The following CCT5 variants were observed in gnomAD, a reference collection of about 807,000 sequenced individuals.
The protein encoded by CCT5 is chaperonin containing TCP1 subunit 5, also known as T-complex protein 1 subunit epsilon.
A neutral mutation model predicts 55.0 loss-of-function variants in CCT5; 6 were observed. The ratio of observed to expected loss-of-function variants is 0.11; its 90% confidence interval spans 0.06 to 0.22. The LOEUF is 0.22. CCT5 is among the 10% of genes least tolerant of loss of function. The pLI, the probability that CCT5 is intolerant of heterozygous loss-of-function variation, is 1.00. For missense variants in CCT5, 560 were observed against 694.6 expected, an observed-to-expected ratio of 0.81 and a Z score of 2.18; for synonymous variants, 231 against 243.7, an observed-to-expected ratio of 0.95 and a Z score of 0.49.
chr5:10,250,269 G>A (rs751494781), upstream of CCT5: 5 of 1,608,182 alleles, frequency 3.1e-6, no homozygotes, highest in South Asian at 1.1e-5. Flanking sequence ...GCCCTCCCGA[G>A]AAAGGGAAGT....
Position 10,261,760 on chromosome 5 carries a change from A to G in CCT5, c.1179+15A>G. ...GAAATAAGATGGTGAGAATTCAACT[A>G]TTTGTCCTATACTGTTGCTTATTTT... is the stretch of plus-strand genomic sequence containing the variant. On this transcript the variant is annotated intron_variant, in intron 8 of 10. Coordinates refer to ENST00000280326, the MANE Select transcript of CCT5 (RefSeq NM_012073.5). 6.2e-7 allele frequency: 1 copy of G among 1,607,808 alleles called. No individual in the cohort carries two copies. The highest frequency in any genetic ancestry group is 1.1e-5 in the South Asian group (1 of 90,858).
At chr5:10,250,267 G>T (rs1417299621), upstream of CCT5, 2 of 1,607,000 alleles carry the variant, frequency 1.2e-6, no homozygotes, top group Non-Finnish European at 1.7e-6. Flanking sequence ...GGGCCCTCCC[G>T]AGAAAGGGAA....
intron 3 of CCT5, among the ~76,000 whole-genome samples, chr5:10,255,627 A>T (rs1745634357): frequency 6.6e-6 from 1 of 152,010 alleles, no homozygotes; most frequent in African/African-American, 2.4e-5. Flanking sequence ...CACCAGGCTG[A>T]ATTTCACTGA....
In CCT5 at chr5:10,256,090, T is replaced by C. The variant is rs764037204; in HGVS notation, c.467T>C (p.Leu156Pro). 1 of 1,614,056 alleles carries C rather than the reference T, an allele frequency of 6.2e-7. No individual in the cohort carries two copies. Among genetic ancestry groups the C allele is most frequent in the South Asian group, 1.1e-5 (1 of 91,076 alleles). The change falls in exon 4 of 11, where the codon CTT (leucine) becomes CCT (proline). Residue 156 changes from leucine to proline, a missense_variant. Around this residue, in one of 4 missense-constraint regions of CCT5, gnomAD observed 52 missense variants for 35.3 expected, o/e 1.47. Transcript: ENST00000280326. ...EHLDKISDSVLVDIKDTEPLI... is the reference protein window; with the variant it reads ...EHLDKISDSVPVDIKDTEPLI... ...CTGGACAAGATCAGCGATAGCGTCC[T>C]TGTTGACATAAAGGACACCGAACCC...
At chr5:10,249,931 A>AAAAAAAC, upstream of CCT5, 1 of 649,776 alleles carries the variant, frequency 1.5e-6, no homozygotes, top group Non-Finnish European at 1.9e-6. Flanking sequence ...AAAAAAAAAA[A>AAAAAAAC]AAACCGGAAA....
At chr5:10,250,946 TGAG>T (rs1307028792) in intron 1 of CCT5, 12 of 858,094 alleles carry the variant, frequency 1.4e-5, no homozygotes, top group Non-Finnish European at 1.7e-5. Context: ...TGCCCACCCT[TGAG>T]GAAAAATAGC....
At chr5:10,262,648 A>C in intron 9 of CCT5, 30 bp downstream of exon 9, 1 of 1,613,248 alleles carries the variant, frequency 6.2e-7, no homozygotes, top group Non-Finnish European at 8.5e-7. Context: ...TTAGTGAAAG[A>C]TTCAGGCCTC....
chr5:10,263,759 A>G lies in CCT5; in HGVS notation c.1498+445A>G, dbSNP rs1020009252. On this transcript the variant is annotated intron_variant, in intron 10 of 10. Transcript: ENST00000280326. ...AGCCACTTGTGTAGCTCGGCTCCCA[A>G]AAAGATATGGTGGCTGTAGCTTGTT... Among the ~76,000 whole-genome samples the G allele has an allele frequency of 2.0e-5, 3 of 152,046 alleles. No homozygotes were observed. The South Asian group carries it at 6.2e-4, about 31-fold the overall frequency.
chr5:10,263,999 G>A (rs1049355646), intron 10 of CCT5, among the ~76,000 whole-genome samples: 2 of 152,300 alleles, frequency 1.3e-5, no homozygotes, highest in South Asian at 4.1e-4. Flanking sequence ...AGGGCCGGGC[G>A]CAGTGACTCA....
intron 3 of CCT5, among the ~76,000 whole-genome samples, chr5:10,255,657 A>G (rs1745635121): frequency 6.6e-6 from 1 of 152,060 alleles, no homozygotes; most frequent in Admixed American, 6.5e-5. Flanking sequence ...GGCCCAGGAA[A>G]CATAATAGCT....
intron 4 of CCT5, 154 bp from the exon 5 acceptor site, chr5:10,257,957 A>G: frequency 1.3e-6 from 1 of 775,708 alleles, no homozygotes; most frequent in Non-Finnish European, 2.2e-6. Flanking sequence ...AATCTGCCCC[A>G]GACTGTTGAA....
At chr5:10,261,387 C>T (rs757034892) in intron 7 of CCT5, among the ~76,000 whole-genome samples, 173 bp from the exon 8 acceptor site, 1 of 152,186 alleles carries the variant, frequency 6.6e-6, no homozygotes, top group African/African-American at 2.4e-5. Context: ...GCTCAAGAGC[C>T]TTGTTACCTA....
intron 3 of CCT5, chr5:10,255,065 G>A (rs1745605457): frequency 7.2e-6 from 4 of 551,982 alleles, no homozygotes; most frequent in Non-Finnish European, 6.5e-6. Flanking sequence ...TGTAATGATT[G>A]ATTGGACACT....
In CCT5 at chr5:10,260,783, T is replaced by G; in HGVS notation, c.874-9T>G. The G allele has an allele frequency of 6.2e-7, 1 of 1,612,604 alleles. No individual in the cohort carries two copies. The highest frequency in any genetic ancestry group is 1.1e-5 in the South Asian group (1 of 91,040). ...TCTCTTAATACGATTGTGGTGGTTC[T>G]TTTCCCAGATTAAAGAGACTGGTGC... On this transcript the variant is annotated splice_polypyrimidine_tract_variant and intron_variant, in intron 6 of 10. Coordinates refer to ENST00000280326, the MANE Select transcript of CCT5 (RefSeq NM_012073.5).
chr5:10,256,164 G>A lies in CCT5; in HGVS notation c.530+11G>A. 6.2e-7 allele frequency: 1 copy of A among 1,609,508 alleles called. No homozygotes were observed. Among genetic ancestry groups the A allele is most frequent in the Non-Finnish European group, 8.5e-7 (1 of 1,178,106 alleles). On this transcript the variant is annotated intron_variant, in intron 4 of 10. Transcript: ENST00000280326. ...GCTGGGCTCCAAAGTGTACGTTTCA[G>A]TAGATGATATGATTACCCATTTGTA...
At chr5:10,260,239 C>T (rs1045898445) in intron 6 of CCT5, among the ~76,000 whole-genome samples, 2 of 152,132 alleles carry the variant, frequency 1.3e-5, no homozygotes, top group African/African-American at 4.8e-5. Flanking sequence ...TCGTTGCCCT[C>T]CTAATTGGGA....
chr5:10,249,929 A>AAAC (rs1413803881), upstream of CCT5: 64 of 831,346 alleles, frequency 7.7e-5, 3 homozygotes, highest in African/African-American at 9.4e-4. Flanking sequence ...AAAAAAAAAA[A>AAAC]AAAAACCGGA....
intron 1 of CCT5, among the ~76,000 whole-genome samples, chr5:10,251,163 C>G (rs1379099439): frequency 1.3e-5 from 2 of 152,140 alleles, no homozygotes; most frequent in African/African-American, 4.8e-5. Flanking sequence ...AAGAGCCATC[C>G]GGTTTTAATG....
chr5:10,260,369 A>C (rs1745899379), intron 6 of CCT5, among the ~76,000 whole-genome samples: 1 of 152,266 alleles, frequency 6.6e-6, no homozygotes, highest in Non-Finnish European at 1.5e-5. Context: ...CAGGTGAGAC[A>C]GTCAAGTTGC....
Sources: gnomAD v4.1 joint callset for allele counts (sites outside exome capture counted in the v4.1 genomes callset) on GRCh38, gnomAD v4.1.1 for gene constraint, gnomAD v4.1.1 regional missense constraint, MANE v1.5 for transcripts, NCBI Gene and HGNC (gene_info 2026-07-23, HGNC 2026-07-21) for gene names.